SPOCK3: variants seen among roughly 807,000 people sequenced by gnomAD.
SPOCK3 encodes testican-3.
In SPOCK3, 30 loss-of-function variants were observed where a neutral mutation model predicts 56.6. The observed-to-expected ratio is 0.53, with a 90% CI of 0.40 to 0.72. The LOEUF is 0.72. Among genes scored for constraint, SPOCK3 ranks in the 30% least tolerant of loss-of-function variants. The probability of loss-of-function intolerance (pLI) is 0.00; values close to 1 mark genes in which losing one functional copy is unlikely to be tolerated. For synonymous variants in SPOCK3, 196 were observed against 183.3 expected (o/e 1.07, Z -0.56); for missense variants, 527 against 530.0 (o/e 0.99, Z 0.06).
At chr4:166,808,057 G>A (rs572597645) in intron 6 of SPOCK3, among the ~76,000 whole-genome samples, 7 of 152,040 alleles carry the variant, frequency 4.6e-5, no homozygotes, top group Non-Finnish European at 1.0e-4. Flanking sequence ...CCTTAACAGG[G>A]ACTCAAGCTA....
chr4:167,004,575 T>C lies in SPOCK3; in HGVS notation c.236-4112A>G, dbSNP rs527622493. On this transcript the variant is annotated intron_variant, in intron 3 of 10. Coordinates refer to ENST00000357545, the MANE Select transcript of SPOCK3 (RefSeq NM_001040159.2). ...CCACACACAAGAATTTGGAGATGGTTTGAAGTGTGTGTGATTAAGACAGGG... is the reference window on the plus strand; with the variant it reads ...CCACACACAAGAATTTGGAGATGGTCTGAAGTGTGTGTGATTAAGACAGGG... Among the ~76,000 whole-genome samples, 17 of 152,174 alleles carry C rather than the reference T, an allele frequency of 1.1e-4. No homozygotes were observed. The East Asian group carries it at 1.5e-3, about 14-fold the overall frequency.
At chr4:167,083,679 C>T (rs1561198215) in intron 2 of SPOCK3, among the ~76,000 whole-genome samples, 1 of 152,036 alleles carries the variant, frequency 6.6e-6, no homozygotes, top group Non-Finnish European at 1.5e-5. Context: ...ATTGAGTCTG[C>T]ATGAATGATG....
At chr4:166,964,016 CATA>C (rs752017384) in intron 4 of SPOCK3, among the ~76,000 whole-genome samples, 1 of 151,708 alleles carries the variant, frequency 6.6e-6, no homozygotes, top group Non-Finnish European at 1.5e-5. Flanking sequence ...CTTCCTTTCA[CATA>C]ATAATTAGTC....
intron 4 of SPOCK3, among the ~76,000 whole-genome samples, chr4:166,955,618 T>G (rs1246164020): frequency 6.9e-6 from 1 of 145,362 alleles, no homozygotes; most frequent in African/African-American, 2.5e-5. Flanking sequence ...TAGATTAAAT[T>G]TAATATAATT....
At chr4:166,836,719 T>G (rs911356012) in intron 6 of SPOCK3, among the ~76,000 whole-genome samples, 26 of 152,202 alleles carry the variant, frequency 1.7e-4, no homozygotes, top group Admixed American at 1.5e-3. Flanking sequence ...ATCAAACCTT[T>G]AGTAACTCTC....
chr4:166,935,794 C>T (rs1042673172), intron 4 of SPOCK3, among the ~76,000 whole-genome samples: 7 of 152,072 alleles, frequency 4.6e-5, no homozygotes, highest in African/African-American at 1.7e-4. Flanking sequence ...CAAGACATGA[C>T]GGTGGTCTAA....
At chr4:166,822,655 C>G (rs1372699520) in intron 6 of SPOCK3, among the ~76,000 whole-genome samples, 1 of 152,036 alleles carries the variant, frequency 6.6e-6, no homozygotes, top group Non-Finnish European at 1.5e-5. Flanking sequence ...CTTTTTCAAA[C>G]AGGATTGAAA....
chr4:166,765,901 A>G (rs1258684006), intron 7 of SPOCK3, among the ~76,000 whole-genome samples: 1 of 152,174 alleles, frequency 6.6e-6, no homozygotes, highest in African/African-American at 2.4e-5. Flanking sequence ...GAGGTCCTTC[A>G]CATCCCTTTT....
chr4:167,161,832 T>C (rs1292780948), intron 2 of SPOCK3, among the ~76,000 whole-genome samples: 18 of 133,290 alleles, frequency 1.4e-4, no homozygotes, highest in African/African-American at 4.7e-4. Flanking sequence ...TAGGTGGGAA[T>C]TGAACAATGA....
chr4:166,892,400 T>C (rs1201148313), intron 5 of SPOCK3, among the ~76,000 whole-genome samples: 6 of 152,002 alleles, frequency 3.9e-5, no homozygotes, highest in East Asian at 1.9e-4. Context: ...TATATAATCA[T>C]ATGATTTTAG....
chr4:166,745,096 T>A (rs565229957), intron 8 of SPOCK3, among the ~76,000 whole-genome samples: 2 of 152,202 alleles, frequency 1.3e-5, no homozygotes, highest in Admixed American at 1.3e-4. Context: ...TTCCCCAACC[T>A]AGCAAGGTAG....
intron 6 of SPOCK3, among the ~76,000 whole-genome samples, chr4:166,860,813 ATATG>A (rs1416744235): frequency 3.5e-5 from 5 of 144,570 alleles, no homozygotes; most frequent in African/African-American, 7.6e-5. Context: ...ATATATATAT[ATATG>A]TATATATATA....
intron 2 of SPOCK3, among the ~76,000 whole-genome samples, chr4:167,233,468 G>A (rs1461505319): frequency 3.9e-5 from 6 of 152,136 alleles, no homozygotes; most frequent in Admixed American, 3.9e-4. Context: ...TATGTAAGCG[G>A]GAGCGTTCAA....
chr4:167,116,928 T>C (rs997990661), intron 2 of SPOCK3, among the ~76,000 whole-genome samples: 1 of 145,168 alleles, frequency 6.9e-6, no homozygotes, highest in African/African-American at 2.5e-5. Flanking sequence ...TATATATATA[T>C]ATATACTTTT....
At chr4:166,855,828 CT>C (rs780700959) in intron 6 of SPOCK3, among the ~76,000 whole-genome samples, 5 of 152,134 alleles carry the variant, frequency 3.3e-5, no homozygotes, top group Non-Finnish European at 7.4e-5. Context: ...TACCAAGTTT[CT>C]AACACTTTCT....
chr4:167,212,141 A>T (rs1269481273), intron 2 of SPOCK3, among the ~76,000 whole-genome samples: 1 of 152,142 alleles, frequency 6.6e-6, no homozygotes, highest in African/African-American at 2.4e-5. Context: ...ACCAGTTCTA[A>T]TATATGCCTT....
At chr4:167,142,101 A>G (rs867391019) in intron 2 of SPOCK3, among the ~76,000 whole-genome samples, 2 of 152,056 alleles carry the variant, frequency 1.3e-5, no homozygotes, top group African/African-American at 4.8e-5. Context: ...TCAATTAAGT[A>G]TGTGAGAAGA....
intron 2 of SPOCK3, among the ~76,000 whole-genome samples, chr4:167,175,700 G>A (rs1043142894): frequency 2.6e-5 from 4 of 152,044 alleles, no homozygotes; most frequent in African/African-American, 4.8e-5. Context: ...ACAGAGGCCC[G>A]GAACAGATCC....
At chr4:167,154,161 G>C (rs1667119351) in intron 2 of SPOCK3, among the ~76,000 whole-genome samples, 1 of 152,026 alleles carries the variant, frequency 6.6e-6, no homozygotes, top group Non-Finnish European at 1.5e-5. Flanking sequence ...CCAAGAAGGG[G>C]TTCATAGACT....
Sources: allele counts gnomAD v4.1 joint callset (sites outside exome capture counted in the v4.1 genomes callset), GRCh38; gene constraint gnomAD v4.1.1; transcripts MANE v1.5; gene names NCBI Gene and HGNC (gene_info 2026-07-23, HGNC 2026-07-21).